The following FHIT variants were observed in gnomAD, a reference collection of about 807,000 sequenced individuals.
The protein encoded by FHIT is fragile histidine triad diadenosine triphosphatase, also known as bis(5'-adenosyl)-triphosphatase.
Under a neutral mutation model 17.9 loss-of-function variants are expected in FHIT, and 19 were observed. The observed-to-expected ratio is 1.06, with a 90% CI of 0.74 to 1.56. The LOEUF is 1.56. FHIT is among the 40% of genes most tolerant of loss of function. FHIT has a pLI of 0.00. For synonymous variants in FHIT, 81 were observed against 69.7 expected, an observed-to-expected ratio of 1.16 and a Z score of -0.81; for missense variants, 248 against 189.2, an observed-to-expected ratio of 1.31 and a Z score of -1.82.
chr3:59,916,605 T>G (rs1453022365), intron 8 of FHIT, among the ~76,000 whole-genome samples: 1 of 152,154 alleles, frequency 6.6e-6, no homozygotes, highest in Non-Finnish European at 1.5e-5. Flanking sequence ...TTCTGCTAAT[T>G]TTGTGTCTCT....
At chr3:59,988,710 G>A (rs1161438377) in intron 7 of FHIT, among the ~76,000 whole-genome samples, 1 of 152,052 alleles carries the variant, frequency 6.6e-6, no homozygotes, top group Non-Finnish European at 1.5e-5. Context: ...CAAAATAAAG[G>A]AGCAAACACC....
chr3:60,223,762 C>T (rs996927917), intron 5 of FHIT, among the ~76,000 whole-genome samples: 1 of 152,140 alleles, frequency 6.6e-6, no homozygotes, highest in Admixed American at 6.5e-5. Flanking sequence ...ATTCTCTGAA[C>T]CTTTGGATTT....
At chr3:60,904,668 C>T (rs1706304638) in intron 3 of FHIT, among the ~76,000 whole-genome samples, 1 of 152,066 alleles carries the variant, frequency 6.6e-6, no homozygotes, top group Admixed American at 6.6e-5. Flanking sequence ...TGGCCAGGCG[C>T]AGTGGCTCAC....
At chr3:61,027,318 C>T (rs1186061291) in intron 3 of FHIT, among the ~76,000 whole-genome samples, 3 of 152,180 alleles carry the variant, frequency 2.0e-5, no homozygotes, top group Non-Finnish European at 4.4e-5. Context: ...AACTCCTGAC[C>T]TCAGGTGATC....
intron 4 of FHIT, among the ~76,000 whole-genome samples, chr3:60,565,283 CATA>C (rs1449206232): frequency 6.6e-6 from 1 of 152,064 alleles, no homozygotes; most frequent in Non-Finnish European, 1.5e-5. Flanking sequence ...TATCTGAACC[CATA>C]ATATCTTTGA....
intron 5 of FHIT, among the ~76,000 whole-genome samples, chr3:60,251,819 GAACT>G (rs1228912635): frequency 2.0e-5 from 3 of 152,116 alleles, no homozygotes; most frequent in South Asian, 4.1e-4. Flanking sequence ...GCCCTGCTGT[GAACT>G]AACTATGTGC....
chr3:60,625,598 T>A (rs1043066503), intron 4 of FHIT, among the ~76,000 whole-genome samples: 6 of 152,208 alleles, frequency 3.9e-5, no homozygotes, highest in Non-Finnish European at 8.8e-5. Context: ...ATCCATTTTT[T>A]AAATTGGGTT....
chr3:60,802,261 T>G (rs1227538039), intron 4 of FHIT, among the ~76,000 whole-genome samples: 1 of 152,246 alleles, frequency 6.6e-6, no homozygotes, highest in Non-Finnish European at 1.5e-5. Context: ...GTTTACCAGA[T>G]GCTGGATCAA....
At chr3:60,201,733 G>A (rs1405299040) in intron 5 of FHIT, among the ~76,000 whole-genome samples, 1 of 151,542 alleles carries the variant, frequency 6.6e-6, no homozygotes, top group Non-Finnish European at 1.5e-5. Context: ...TTTTTAAACA[G>A]TCAATACTAA....
intron 2 of FHIT, among the ~76,000 whole-genome samples, chr3:61,137,958 T>C (rs894663797): frequency 2.6e-5 from 4 of 152,186 alleles, no homozygotes; most frequent in African/African-American, 9.6e-5. Flanking sequence ...AAGACAGTTA[T>C]ACAGTGGCTA....
At chr3:60,699,989 A>T (rs548086089) in intron 4 of FHIT, among the ~76,000 whole-genome samples, 51 of 151,996 alleles carry the variant, frequency 3.4e-4, no homozygotes, top group African/African-American at 1.2e-3. Flanking sequence ...AAAAGTAGCC[A>T]GGTGTGGGGT....
At chr3:60,381,206 G>A (rs939088352) in intron 5 of FHIT, among the ~76,000 whole-genome samples, 1 of 152,064 alleles carries the variant, frequency 6.6e-6, no homozygotes, top group Admixed American at 6.5e-5. Flanking sequence ...GGCTGGGCAC[G>A]GTGGCTCACA....
chr3:60,146,370 G>A (rs1199969430), intron 5 of FHIT, among the ~76,000 whole-genome samples: 2 of 151,820 alleles, frequency 1.3e-5, no homozygotes, highest in Non-Finnish European at 2.9e-5. Flanking sequence ...TGTATGCTGG[G>A]ATGAGCCATC....
intron 1 of FHIT, among the ~76,000 whole-genome samples, chr3:61,229,935 C>G (rs942261654): frequency 6.6e-6 from 1 of 152,068 alleles, no homozygotes; most frequent in East Asian, 1.9e-4. Flanking sequence ...CTAGATCAAC[C>G]CAGTAACCAT....
At chr3:60,215,455 A>T (rs1413636505) in intron 5 of FHIT, among the ~76,000 whole-genome samples, 7 of 151,958 alleles carry the variant, frequency 4.6e-5, no homozygotes, top group African/African-American at 1.4e-4. Context: ...CCCAGCTACT[A>T]GGGAGGCTAA....
chr3:61,035,246 C>T (rs576841678), intron 3 of FHIT, among the ~76,000 whole-genome samples: 16 of 152,292 alleles, frequency 1.1e-4, no homozygotes, highest in South Asian at 6.2e-4. Flanking sequence ...GTGAGTTAAA[C>T]GCCACTGGAT....
intron 5 of FHIT, among the ~76,000 whole-genome samples, chr3:60,498,690 A>G (rs2034402300): frequency 6.6e-6 from 1 of 152,230 alleles, no homozygotes; most frequent in South Asian, 2.1e-4. Context: ...TTGAACAAAC[A>G]GTTAAACAAC....
intron 8 of FHIT, among the ~76,000 whole-genome samples, chr3:59,852,319 C>A (rs1701974649): frequency 6.6e-6 from 1 of 152,106 alleles, no homozygotes; most frequent in Non-Finnish European, 1.5e-5. Context: ...ATACTATATA[C>A]CAAGAAATGC....
At chr3:60,028,526 G>A (rs1700850835) in intron 5 of FHIT, among the ~76,000 whole-genome samples, 1 of 152,150 alleles carries the variant, frequency 6.6e-6, no homozygotes, top group South Asian at 2.1e-4. Context: ...ATGTAGTTTT[G>A]TATCCCACTG....
Sources: allele counts gnomAD v4.1 joint callset (sites outside exome capture counted in the v4.1 genomes callset), GRCh38; gene constraint gnomAD v4.1.1; transcripts MANE v1.5; gene names NCBI Gene and HGNC (gene_info 2026-07-23, HGNC 2026-07-21).